AUTS2: variants seen among roughly 807,000 people sequenced by gnomAD.
AUTS2 encodes autism susceptibility gene 2 protein.
In AUTS2, 17 loss-of-function variants were observed where a neutral mutation model predicts 112.4. That is an observed-to-expected ratio of 0.15 (90% CI 0.10 to 0.23). AUTS2 has a LOEUF of 0.23. AUTS2 is among the 10% of genes least tolerant of loss of function. AUTS2 has a pLI of 1.00. For synonymous variants in AUTS2, 751 were observed against 702.7 expected (o/e 1.07, Z -1.09); for missense variants, 1,510 against 1,701.6 (o/e 0.89, Z 1.98).
chr7:70,089,583 A>G (rs1278240109), intron 2 of AUTS2, among the ~76,000 whole-genome samples: 7 of 151,654 alleles, frequency 4.6e-5, no homozygotes, highest in Non-Finnish European at 8.8e-5. Context: ...TGCCTTTTTA[A>G]TTGTGGATAT....
chr7:69,769,586 G>A (rs1788574431), intron 1 of AUTS2, among the ~76,000 whole-genome samples: 1 of 152,182 alleles, frequency 6.6e-6, no homozygotes, highest in South Asian at 2.1e-4. Flanking sequence ...ATTATGATAT[G>A]TTTGCATTTA....
chr7:69,647,527 A>G (rs576633998), intron 1 of AUTS2, among the ~76,000 whole-genome samples: 1 of 152,080 alleles, frequency 6.6e-6, no homozygotes, highest in South Asian at 2.1e-4. Flanking sequence ...GCTGATTTTT[A>G]AATTTTTTTC....
At chr7:70,781,545 C>T (rs1791081565) in intron 14 of AUTS2, 70 bp from the exon 15 acceptor site, 1 of 1,563,414 alleles carries the variant, frequency 6.4e-7, no homozygotes, top group South Asian at 1.2e-5. Flanking sequence ...TCTCCAGCTC[C>T]AGCTCTTCAC....
At chr7:69,934,288 C>A (rs1303771535) in intron 2 of AUTS2, among the ~76,000 whole-genome samples, 2 of 152,098 alleles carry the variant, frequency 1.3e-5, no homozygotes, top group Admixed American at 1.3e-4. Flanking sequence ...AGTTAGAGTG[C>A]AGTAGAAAGA....
rs74972384 is a variant in AUTS2 at position 70,736,309 on chromosome 7, A to G, written c.743-26561A>G. ...GCAGAAAAATCAATAGATCATATCA[A>G]TCACTCCTCTAGAAATGGACATTAT... On this transcript the variant is annotated intron_variant, in intron 6 of 18. Coordinates refer to ENST00000342771, the MANE Select transcript of AUTS2 (RefSeq NM_015570.4). 7.2e-4 allele frequency among the ~76,000 whole-genome samples: 109 copies of G among 152,234 alleles called. 3 individuals carry two copies. In the East Asian group the frequency reaches 0.02, roughly 27 times the overall value.
intron 1 of AUTS2, among the ~76,000 whole-genome samples, chr7:69,714,854 T>C (rs1386177880): frequency 2.0e-5 from 3 of 152,208 alleles, no homozygotes; most frequent in South Asian, 2.1e-4. Context: ...TTTATTTTGG[T>C]CTTTCTGTAA....
intron 1 of AUTS2, among the ~76,000 whole-genome samples, chr7:69,626,323 A>C (rs994832094): frequency 6.6e-6 from 1 of 152,026 alleles, no homozygotes; most frequent in Non-Finnish European, 1.5e-5. Flanking sequence ...GGTGCGATTT[A>C]ATTATTATTA....
At chr7:70,780,002 G>A (rs559486059) in intron 14 of AUTS2, among the ~76,000 whole-genome samples, 9 of 151,444 alleles carry the variant, frequency 5.9e-5, no homozygotes, top group South Asian at 4.2e-4. Flanking sequence ...GCAAAAGAGC[G>A]AGACCCTATC....
At chr7:69,898,806 TAGAC>T (rs1478586550) in intron 1 of AUTS2, among the ~76,000 whole-genome samples, 1 of 152,212 alleles carries the variant, frequency 6.6e-6, no homozygotes, top group African/African-American at 2.4e-5. Flanking sequence ...ATCATATGAA[TAGAC>T]AGTTCTTTCT....
chr7:70,136,262 T>TA (rs2129574999), intron 4 of AUTS2, among the ~76,000 whole-genome samples: 1 of 152,322 alleles, frequency 6.6e-6, no homozygotes, highest in South Asian at 2.1e-4. Flanking sequence ...CTGGTAGACT[T>TA]ACTTTGCTTA....
intron 5 of AUTS2, among the ~76,000 whole-genome samples, chr7:70,687,037 A>G (rs1808507462): frequency 6.6e-6 from 1 of 151,970 alleles, no homozygotes; most frequent in Admixed American, 6.5e-5. Flanking sequence ...TTTTCATTTT[A>G]ATTACCACCC....
intron 6 of AUTS2, among the ~76,000 whole-genome samples, chr7:70,708,969 G>C (rs537457530): frequency 3.4e-5 from 5 of 149,112 alleles, no homozygotes; most frequent in African/African-American, 1.2e-4. Context: ...CCAGGCTGGA[G>C]TGCAGTGGCA....
At chr7:70,564,169 T>A (rs1481420164) in intron 5 of AUTS2, among the ~76,000 whole-genome samples, 1 of 152,236 alleles carries the variant, frequency 6.6e-6, no homozygotes, top group Non-Finnish European at 1.5e-5. Context: ...TCAGTTCTAT[T>A]ACAATCATGT....
At chr7:70,755,261 T>G (rs1789124163) in intron 6 of AUTS2, among the ~76,000 whole-genome samples, 3 of 149,116 alleles carry the variant, frequency 2.0e-5, no homozygotes, top group Non-Finnish European at 3.0e-5. Flanking sequence ...AAGACCCTTT[T>G]AACTTTTTTT....
intron 2 of AUTS2, among the ~76,000 whole-genome samples, chr7:70,045,449 T>G (rs1801458334): frequency 1.3e-5 from 2 of 152,100 alleles, no homozygotes; most frequent in African/African-American, 4.8e-5. Context: ...ATAATTATAT[T>G]TTAGATACAT....
chr7:70,107,068 A>G (rs1804802954), intron 2 of AUTS2, among the ~76,000 whole-genome samples: 1 of 152,200 alleles, frequency 6.6e-6, no homozygotes, highest in Non-Finnish European at 1.5e-5. Context: ...TTGCTGAACA[A>G]GTACTTTAAA....
At chr7:70,535,437 C>T (rs542142498) in intron 5 of AUTS2, among the ~76,000 whole-genome samples, 6 of 151,936 alleles carry the variant, frequency 3.9e-5, no homozygotes, top group Admixed American at 6.6e-5. Flanking sequence ...TTTTTTGAGA[C>T]GGAGTCTCAC....
At chr7:70,459,863 G>C (rs1796891348) in intron 5 of AUTS2, among the ~76,000 whole-genome samples, 1 of 152,172 alleles carries the variant, frequency 6.6e-6, no homozygotes, top group Admixed American at 6.5e-5. Context: ...CTGTGGGGCA[G>C]AGGGTCTCAT....
intron 5 of AUTS2, among the ~76,000 whole-genome samples, chr7:70,536,639 G>A (rs889943780): frequency 2.4e-4 from 29 of 121,854 alleles, no homozygotes; most frequent in African/African-American, 8.9e-4. Flanking sequence ...AGTGGCTCAC[G>A]CCTGTAATCC....
Sources: gnomAD v4.1 joint callset for allele counts (sites outside exome capture counted in the v4.1 genomes callset) on GRCh38, gnomAD v4.1.1 for gene constraint, MANE v1.5 for transcripts, NCBI Gene and HGNC (gene_info 2026-07-23, HGNC 2026-07-21) for gene names.